The following AFG2A variants were observed in gnomAD, a reference collection of about 807,000 sequenced individuals.
AFG2A encodes AAA ATPase AFG2A, also known as ATPase family gene 2 protein homolog A.
chr4:123,086,517 A>C, the AFG2A span, among the ~76,000 whole-genome samples: 1 of 151,946 alleles, frequency 6.6e-6, no homozygotes, highest in East Asian at 1.9e-4. Flanking sequence ...TTTTACATTT[A>C]TTCTGCTCAG....
chr4:122,993,370 A>G, the AFG2A span, among the ~76,000 whole-genome samples: 1 of 152,188 alleles, frequency 6.6e-6, no homozygotes, highest in African/African-American at 2.4e-5. Context: ...AAAATTATGT[A>G]GTAAACATTT....
chr4:122,934,532 T>C, the AFG2A span: 1 of 1,614,186 alleles, frequency 6.2e-7, no homozygotes, highest in Non-Finnish European at 8.5e-7. Flanking sequence ...AAGTTCAGCA[T>C]AGGAGCAAAG....
At chr4:123,241,454 C>G in the AFG2A span, among the ~76,000 whole-genome samples, 2 of 151,196 alleles carry the variant, frequency 1.3e-5, no homozygotes, top group Admixed American at 6.6e-5. Context: ...CAGCTTCATC[C>G]CTGGGATGCA....
At chr4:123,178,095 T>C in the AFG2A span, among the ~76,000 whole-genome samples, 2 of 152,216 alleles carry the variant, frequency 1.3e-5, no homozygotes, top group Admixed American at 1.3e-4. Context: ...AGACTCTTTC[T>C]ATAAAGCTTT....
chr4:122,985,391 T>C, the AFG2A span, among the ~76,000 whole-genome samples: 1 of 152,080 alleles, frequency 6.6e-6, no homozygotes. Flanking sequence ...GGCCTCTGAA[T>C]GTGCTGGGAT....
At chr4:123,016,895 G>A in the AFG2A span, among the ~76,000 whole-genome samples, 2 of 152,156 alleles carry the variant, frequency 1.3e-5, no homozygotes, top group African/African-American at 2.4e-5. Flanking sequence ...CGAGGCTGGC[G>A]GATCACTCGC....
the AFG2A span, among the ~76,000 whole-genome samples, chr4:122,986,939 T>C: frequency 1.3e-5 from 2 of 152,176 alleles, no homozygotes; most frequent in Non-Finnish European, 2.9e-5. Context: ...TTACTGTTCC[T>C]GTATAGCTGT....
chr4:123,247,252 CTACTAA>C, the AFG2A span, among the ~76,000 whole-genome samples: 1 of 113,808 alleles, frequency 8.8e-6, no homozygotes, highest in Non-Finnish European at 2.1e-5. Flanking sequence ...TGTATCACTA[CTACTAA>C]TACTAACATA....
the AFG2A span, among the ~76,000 whole-genome samples, chr4:122,952,910 G>A: frequency 6.6e-6 from 1 of 152,110 alleles, no homozygotes; most frequent in African/African-American, 2.4e-5. Context: ...GGTGATATTG[G>A]GAACATGTGC....
the AFG2A span, among the ~76,000 whole-genome samples, chr4:123,008,759 A>G: frequency 6.6e-6 from 1 of 152,218 alleles, no homozygotes; most frequent in African/African-American, 2.4e-5. Flanking sequence ...TGGGAAAAGT[A>G]GGGTAGATTG....
At chr4:122,968,625 A>C in the AFG2A span, among the ~76,000 whole-genome samples, 2 of 152,208 alleles carry the variant, frequency 1.3e-5, no homozygotes, top group African/African-American at 4.8e-5. Context: ...ATTATGAGTA[A>C]TGCCATGAAC....
chr4:122,931,746 G>A, the AFG2A span, among the ~76,000 whole-genome samples: 1 of 152,058 alleles, frequency 6.6e-6, no homozygotes, highest in Non-Finnish European at 1.5e-5. Flanking sequence ...CCATTCTCTG[G>A]TCATCTCTGA....
chr4:123,110,715 T>C, the AFG2A span, among the ~76,000 whole-genome samples: 1 of 152,192 alleles, frequency 6.6e-6, no homozygotes, highest in South Asian at 2.1e-4. Context: ...GTGCTTTATG[T>C]ACATAATCTG....
the AFG2A span, among the ~76,000 whole-genome samples, chr4:123,017,398 C>T: frequency 8.8e-4 from 71 of 81,120 alleles, no homozygotes; most frequent in African/African-American, 1.3e-3. Flanking sequence ...TAGAATGTGT[C>T]TTTACAGCAT....
the AFG2A span, among the ~76,000 whole-genome samples, chr4:123,207,604 A>T: frequency 6.6e-6 from 1 of 152,184 alleles, no homozygotes; most frequent in African/African-American, 2.4e-5. Flanking sequence ...GGTGTGAGCC[A>T]CCACGCCTAG....
the AFG2A span, among the ~76,000 whole-genome samples, chr4:123,275,033 T>C: frequency 2.0e-5 from 3 of 152,180 alleles, no homozygotes; most frequent in African/African-American, 7.2e-5. Flanking sequence ...GATTGAATTA[T>C]GTTCACCTTA....
At chr4:123,313,713 A>G in the AFG2A span, among the ~76,000 whole-genome samples, 116 of 152,354 alleles carry the variant, frequency 7.6e-4, 2 homozygotes, top group East Asian at 9.4e-3. Context: ...TGCTCTGTAT[A>G]TGATTACCTT....
chr4:123,153,222 A>T, the AFG2A span, among the ~76,000 whole-genome samples: 1 of 152,294 alleles, frequency 6.6e-6, no homozygotes, highest in South Asian at 2.1e-4. Flanking sequence ...ACTCTTCCAC[A>T]TGGCCTTTCT....
chr4:122,933,555 T>G, the AFG2A span: 1 of 1,430,142 alleles, frequency 7.0e-7, no homozygotes. Flanking sequence ...CATCAGCAAA[T>G]AAAGTGTCTT....
Sources: allele counts gnomAD v4.1 joint callset (sites outside exome capture counted in the v4.1 genomes callset), GRCh38; gene constraint gnomAD v4.1.1; transcripts MANE v1.5; gene names NCBI Gene and HGNC (gene_info 2026-07-23, HGNC 2026-07-21).